ARHGAP15: variants seen among roughly 807,000 people sequenced by gnomAD.
ARHGAP15 encodes Rho GTPase activating protein 15.
A neutral mutation model predicts 63.7 loss-of-function variants in ARHGAP15; 51 were observed. The ratio of observed to expected loss-of-function variants is 0.80; its 90% confidence interval spans 0.64 to 1.01. ARHGAP15 has a LOEUF of 1.01. ARHGAP15 is among the 50% of genes least tolerant of loss of function. ARHGAP15 has a pLI of 0.00. For synonymous variants in ARHGAP15, 191 were observed against 193.8 expected (o/e 0.99, Z 0.12); for missense variants, 560 against 564.6 (o/e 0.99, Z 0.08).
intron 13 of ARHGAP15, among the ~76,000 whole-genome samples, chr2:143,720,173 G>A (rs1684985397): frequency 6.6e-6 from 1 of 152,118 alleles, no homozygotes; most frequent in Admixed American, 6.5e-5. Flanking sequence ...CAGAGAGAGC[G>A]TTTTGTTCGT....
chr2:143,665,655 A>T (rs1359205197), intron 12 of ARHGAP15, among the ~76,000 whole-genome samples: 32 of 125,788 alleles, frequency 2.5e-4, no homozygotes, highest in Middle Eastern at 3.9e-3. Context: ...ACATGATTGT[A>T]TATCTAGAAA....
intron 11 of ARHGAP15, among the ~76,000 whole-genome samples, chr2:143,611,661 C>G (rs910815594): frequency 6.6e-6 from 1 of 152,138 alleles, no homozygotes; most frequent in Non-Finnish European, 1.5e-5. Context: ...TACCAAGCTC[C>G]ATAGTCCAAA....
intron 6 of ARHGAP15, among the ~76,000 whole-genome samples, chr2:143,405,877 C>T (rs1479079395): frequency 6.6e-6 from 1 of 151,840 alleles, no homozygotes; most frequent in Non-Finnish European, 1.5e-5. Flanking sequence ...ATATTTCTGC[C>T]TTGAGGTCCA....
intron 13 of ARHGAP15, among the ~76,000 whole-genome samples, chr2:143,743,385 A>C (rs1686033996): frequency 6.6e-6 from 1 of 152,200 alleles, no homozygotes; most frequent in Non-Finnish European, 1.5e-5. Flanking sequence ...TAGAGGTAGA[A>C]GACCTCTACT....
chr2:143,416,498 CG>C (rs1222217103), intron 6 of ARHGAP15, among the ~76,000 whole-genome samples: 1 of 151,684 alleles, frequency 6.6e-6, no homozygotes, highest in Non-Finnish European at 1.5e-5. Flanking sequence ...CTGGTCTCCC[CG>C]TTGTTCTTTG....
chr2:143,303,398 G>A (rs1049116306), intron 6 of ARHGAP15, among the ~76,000 whole-genome samples: 7 of 151,674 alleles, frequency 4.6e-5, no homozygotes, highest in African/African-American at 1.7e-4. Flanking sequence ...AAAAATATAT[G>A]AAACTGGCCA....
chr2:143,160,981 G>T (rs1163125441), intron 2 of ARHGAP15, among the ~76,000 whole-genome samples: 1 of 151,980 alleles, frequency 6.6e-6, no homozygotes, highest in East Asian at 1.9e-4. Context: ...CCTACTGATA[G>T]AACATGGTGC....
At chr2:143,411,308 T>C (rs1330615865) in intron 6 of ARHGAP15, among the ~76,000 whole-genome samples, 2 of 152,208 alleles carry the variant, frequency 1.3e-5, no homozygotes, top group Non-Finnish European at 2.9e-5. Flanking sequence ...TTAGGAACCA[T>C]GGCCTTTAGT....
At chr2:143,650,016 T>A (rs929505352) in intron 12 of ARHGAP15, among the ~76,000 whole-genome samples, 3 of 151,960 alleles carry the variant, frequency 2.0e-5, no homozygotes, top group Admixed American at 1.3e-4. Context: ...TATAAATTGT[T>A]TCTTGTCTTC....
intron 10 of ARHGAP15, among the ~76,000 whole-genome samples, chr2:143,541,082 A>G (rs1695025550): frequency 6.6e-6 from 1 of 151,986 alleles, no homozygotes; most frequent in African/African-American, 2.4e-5. Context: ...GTTTCTTTTT[A>G]TTCTTTTTTC....
chr2:143,189,959 C>T (rs1196141392), intron 2 of ARHGAP15, among the ~76,000 whole-genome samples: 1 of 151,928 alleles, frequency 6.6e-6, no homozygotes. Flanking sequence ...TTTTTGTTCG[C>T]TTGTTTCCAT....
At chr2:143,623,268 G>A (rs1005824959) in intron 11 of ARHGAP15, among the ~76,000 whole-genome samples, 1 of 152,028 alleles carries the variant, frequency 6.6e-6, no homozygotes, top group Non-Finnish European at 1.5e-5. Flanking sequence ...TCATATTGAG[G>A]GTGAAAAGGA....
chr2:143,153,837 T>TCCTCC (rs1558779549), intron 1 of ARHGAP15, among the ~76,000 whole-genome samples: 870 of 72,024 alleles, frequency 0.012, 67 homozygotes, highest in Non-Finnish European at 0.017. Context: ...CTTCTTCTTC[T>TCCTCC]TCTTCTTCCT....
intron 11 of ARHGAP15, among the ~76,000 whole-genome samples, chr2:143,590,010 A>T (rs1697260071): frequency 6.6e-6 from 1 of 152,208 alleles, no homozygotes; most frequent in African/African-American, 2.4e-5. Context: ...TGACTTGCAC[A>T]GAAAAATATC....
intron 2 of ARHGAP15, among the ~76,000 whole-genome samples, chr2:143,163,792 G>A (rs569907201): frequency 2.6e-5 from 4 of 152,072 alleles, no homozygotes; most frequent in Admixed American, 6.6e-5. Flanking sequence ...TGGAGGAGGC[G>A]ATATAAGTGG....
intron 11 of ARHGAP15, among the ~76,000 whole-genome samples, chr2:143,604,548 A>G (rs1697909169): frequency 6.6e-6 from 1 of 152,226 alleles, no homozygotes; most frequent in African/African-American, 2.4e-5. Context: ...TATTTATACA[A>G]GATGCCCTTT....
chr2:143,228,437 A>G (rs759464612), intron 4 of ARHGAP15, 144 bp from the exon 5 acceptor site: 4 of 443,698 alleles, frequency 9.0e-6, no homozygotes, highest in Non-Finnish European at 1.6e-5. Flanking sequence ...TACCACTTAT[A>G]GATTTTAATA....
chr2:143,287,790 C>A (rs564722451), intron 6 of ARHGAP15, among the ~76,000 whole-genome samples: 1 of 151,990 alleles, frequency 6.6e-6, no homozygotes, highest in African/African-American at 2.4e-5. Flanking sequence ...GGGACAATAG[C>A]AAGACTCTGT....
At chr2:143,439,459 AC>A (rs1441144702) in intron 8 of ARHGAP15, among the ~76,000 whole-genome samples, 3 of 149,276 alleles carry the variant, frequency 2.0e-5, no homozygotes, top group Non-Finnish European at 4.5e-5. Context: ...GGGAAGAGAT[AC>A]ATGATTTATT....
Sources: gnomAD v4.1 joint callset for allele counts (sites outside exome capture counted in the v4.1 genomes callset) on GRCh38, gnomAD v4.1.1 for gene constraint, MANE v1.5 for transcripts, NCBI Gene and HGNC (gene_info 2026-07-23, HGNC 2026-07-21) for gene names.